The following POU2AF2 variants were observed in gnomAD, a reference collection of about 807,000 sequenced individuals.
POU2AF2 encodes POU class 2 homeobox associating factor 2.
chr11:111,271,766 A>G, the POU2AF2 span, among the ~76,000 whole-genome samples: 1 of 152,146 alleles, frequency 6.6e-6, no homozygotes, highest in African/African-American at 2.4e-5. Context: ...TAATTCCAGC[A>G]CTTTGGGAGG....
the POU2AF2 span, chr11:111,245,814 G>C: frequency 2.5e-6 from 1 of 398,904 alleles, no homozygotes; most frequent in Non-Finnish European, 4.4e-6. Context: ...AAGAAATTCT[G>C]CACTGCTGTT....
chr11:111,272,795 T>C, the POU2AF2 span, among the ~76,000 whole-genome samples: 3 of 152,168 alleles, frequency 2.0e-5, no homozygotes, highest in Non-Finnish European at 2.9e-5. Flanking sequence ...ATGAATGAAA[T>C]GAAACTTCTG....
At chr11:111,276,958 C>T in the POU2AF2 span, among the ~76,000 whole-genome samples, 2 of 152,090 alleles carry the variant, frequency 1.3e-5, no homozygotes, top group East Asian at 3.9e-4. Flanking sequence ...ATAAGCAAAG[C>T]AAATGGTAGA....
the POU2AF2 span, among the ~76,000 whole-genome samples, chr11:111,278,795 T>C: frequency 1.3e-5 from 2 of 152,258 alleles, no homozygotes; most frequent in African/African-American, 4.8e-5. Flanking sequence ...GTTAAACTTA[T>C]TCTATAAAGA....
the POU2AF2 span, among the ~76,000 whole-genome samples, chr11:111,263,985 C>A: frequency 6.6e-6 from 1 of 152,192 alleles, no homozygotes; most frequent in Non-Finnish European, 1.5e-5. Flanking sequence ...AAACACTCAA[C>A]TGCATGTGAG....
chr11:111,278,562 C>G, the POU2AF2 span, among the ~76,000 whole-genome samples: 807 of 80,574 alleles, frequency 0.01, 8 homozygotes, highest in African/African-American at 0.028. Flanking sequence ...CTCTGTCTCT[C>G]TCTCTCTCTC....
chr11:111,266,257 G>A, the POU2AF2 span, among the ~76,000 whole-genome samples: 5 of 152,062 alleles, frequency 3.3e-5, no homozygotes, highest in African/African-American at 1.2e-4. Context: ...GATGGGAGAG[G>A]GTCAGCATTC....
the POU2AF2 span, among the ~76,000 whole-genome samples, chr11:111,256,689 G>A: frequency 6.6e-6 from 1 of 152,232 alleles, no homozygotes; most frequent in African/African-American, 2.4e-5. Context: ...TCTGTTAGCA[G>A]CCAGCAGGCG....
chr11:111,283,977 G>A, the POU2AF2 span: 1 of 1,094,078 alleles, frequency 9.1e-7, no homozygotes. Context: ...TCAGGCACGC[G>A]TTAGTAACAT....
At chr11:111,262,241 G>T in the POU2AF2 span, among the ~76,000 whole-genome samples, 1 of 152,176 alleles carries the variant, frequency 6.6e-6, no homozygotes, top group African/African-American at 2.4e-5. Flanking sequence ...CGTATTTGAT[G>T]GGAAATTTTG....
the POU2AF2 span, among the ~76,000 whole-genome samples, chr11:111,255,229 A>G: frequency 7.4e-4 from 113 of 152,324 alleles, no homozygotes; most frequent in Non-Finnish European, 1.3e-3. Flanking sequence ...TATTGCTTAT[A>G]AGTAGCTGTG....
At chr11:111,250,290 G>T in the POU2AF2 span, among the ~76,000 whole-genome samples, 1 of 151,976 alleles carries the variant, frequency 6.6e-6, no homozygotes. Context: ...CATCCTCTCA[G>T]TTTCCTCATC....
At chr11:111,254,197 A>G in the POU2AF2 span, among the ~76,000 whole-genome samples, 2 of 152,224 alleles carry the variant, frequency 1.3e-5, no homozygotes, top group African/African-American at 4.8e-5. Flanking sequence ...AGCAACATTT[A>G]GATTCCTTTG....
chr11:111,264,540 GAAAGA>G, the POU2AF2 span, among the ~76,000 whole-genome samples: 3 of 63,782 alleles, frequency 4.7e-5, no homozygotes, highest in East Asian at 1.0e-3. Flanking sequence ...AAGAAAGAAA[GAAAGA>G]AAGAAAGAAA....
chr11:111,284,392 A>ACCT, the POU2AF2 span: 1 of 1,576,422 alleles, frequency 6.3e-7, no homozygotes, highest in Non-Finnish European at 8.6e-7. Flanking sequence ...GTATGCAGAG[A>ACCT]CCTCGTGTGA....
the POU2AF2 span, among the ~76,000 whole-genome samples, chr11:111,260,461 G>GGTGA: frequency 6.6e-6 from 1 of 152,120 alleles, no homozygotes; most frequent in Non-Finnish European, 1.5e-5. Context: ...GCATTATTTA[G>GGTGA]GTGAGTTCTC....
the POU2AF2 span, among the ~76,000 whole-genome samples, chr11:111,266,632 G>A: frequency 6.6e-6 from 1 of 152,070 alleles, no homozygotes. Flanking sequence ...TTCTCTCTGG[G>A]ATAAATAGTA....
chr11:111,278,029 G>A, the POU2AF2 span, among the ~76,000 whole-genome samples: 40,830 of 152,078 alleles, frequency 0.27, 5,779 homozygotes, highest in Admixed American at 0.34. Flanking sequence ...TTACATGCCC[G>A]AGAGTTCCCT....
At chr11:111,256,455 A>G in the POU2AF2 span, among the ~76,000 whole-genome samples, 1 of 152,228 alleles carries the variant, frequency 6.6e-6, no homozygotes, top group East Asian at 1.9e-4. Flanking sequence ...ACTGGATGTC[A>G]TGTAAATCAC....
Sources: gnomAD v4.1 joint callset for allele counts (sites outside exome capture counted in the v4.1 genomes callset) on GRCh38, gnomAD v4.1.1 for gene constraint, MANE v1.5 for transcripts, NCBI Gene and HGNC (gene_info 2026-07-23, HGNC 2026-07-21) for gene names.